LNPEP: variants seen among roughly 807,000 people sequenced by gnomAD.
The protein encoded by LNPEP is leucyl-cystinyl aminopeptidase.
LNPEP carries 64 observed loss-of-function variants against 120.6 expected under a neutral mutation model. That is an observed-to-expected ratio of 0.53 (90% CI 0.43 to 0.65). The LOEUF is 0.65. LNPEP is among the 30% of genes least tolerant of loss of function. The pLI is 0.00. For synonymous variants in LNPEP, 435 were observed against 425.4 expected (o/e 1.02, Z -0.28); for missense variants, 1,057 against 1,200.0 (o/e 0.88, Z 1.76).
At chr5:96,938,683 C>T (rs186849193) in intron 1 of LNPEP, among the ~76,000 whole-genome samples, 255 of 152,244 alleles carry the variant, frequency 1.7e-3, no homozygotes, top group Non-Finnish European at 2.1e-3. Context: ...CCTATGTTAA[C>T]CTGTTCAGGT....
chr5:96,942,236 G>A (rs970269478), intron 1 of LNPEP: 5 of 152,182 alleles, frequency 3.3e-5, no homozygotes, highest in East Asian at 3.8e-4. Flanking sequence ...AAACAACGTG[G>A]TGTGGAGCTG....
chr5:97,022,240 G>GT (rs934380365), intron 13 of LNPEP, 60 bp from the exon 14 acceptor site: 252 of 1,113,044 alleles, frequency 2.3e-4, no homozygotes, highest in Middle Eastern at 4.2e-4. Flanking sequence ...TAATTGTCCT[G>GT]TTTTTTTTCT....
At chr5:97,005,270 T>A (rs1231459364) in intron 9 of LNPEP, among the ~76,000 whole-genome samples, 1 of 152,164 alleles carries the variant, frequency 6.6e-6, no homozygotes, top group Non-Finnish European at 1.5e-5. Context: ...CAATTCAAAT[T>A]CATATATAAT....
intron 1 of LNPEP, among the ~76,000 whole-genome samples, chr5:96,947,215 G>A (rs958415725): frequency 1.3e-5 from 2 of 152,066 alleles, no homozygotes; most frequent in Non-Finnish European, 2.9e-5. Flanking sequence ...CCTAAGCATT[G>A]TTAAAGACTG....
chr5:96,943,783 T>A (rs1354532062), intron 1 of LNPEP, among the ~76,000 whole-genome samples: 4 of 152,192 alleles, frequency 2.6e-5, no homozygotes, highest in Non-Finnish European at 4.4e-5. Context: ...CAAGTTCAAT[T>A]GTAGGAGACT....
At chr5:96,982,908 T>G (rs1461037015) in intron 2 of LNPEP, among the ~76,000 whole-genome samples, 1 of 151,906 alleles carries the variant, frequency 6.6e-6, no homozygotes, top group Non-Finnish European at 1.5e-5. Flanking sequence ...TACAAGTAGT[T>G]TTTATTATAA....
intron 2 of LNPEP, among the ~76,000 whole-genome samples, chr5:96,982,725 C>T (rs1790154494): frequency 6.6e-6 from 1 of 152,038 alleles, no homozygotes; most frequent in East Asian, 1.9e-4. Flanking sequence ...TGATTGCTAC[C>T]TTTCTTGCAG....
intron 1 of LNPEP, among the ~76,000 whole-genome samples, chr5:96,973,462 G>C (rs183042804): frequency 6.6e-6 from 1 of 152,048 alleles, no homozygotes; most frequent in East Asian, 1.9e-4. Flanking sequence ...CCCATACTTG[G>C]AACTTATAGT....
chr5:97,012,879 T>C (rs1320741972), intron 11 of LNPEP, among the ~76,000 whole-genome samples: 1 of 152,180 alleles, frequency 6.6e-6, no homozygotes, highest in East Asian at 1.9e-4. Flanking sequence ...TATTTCTTAT[T>C]TGTCCCTTAT....
intron 1 of LNPEP, among the ~76,000 whole-genome samples, chr5:96,951,106 T>C (rs1403050229): frequency 3.9e-5 from 6 of 152,188 alleles, no homozygotes; most frequent in Admixed American, 3.9e-4. Context: ...TGTGCATATG[T>C]GGAGAGAGCG....
rs563274580 is a variant in LNPEP at position 97,006,175 on chromosome 5, A to C, written c.1888A>C (p.Ile630Leu). 8.7e-6 allele frequency: 14 copies of C among 1,606,180 alleles called. No individual in the cohort carries two copies. In the East Asian group the frequency reaches 2.5e-4, roughly 28 times the overall value. Reference protein sequence around the residue: ...TVQKKGKELFIQQERFFLNMK... With the variant: ...TVQKKGKELFLQQERFFLNMK... ...TCAAAAGAAAGGAAAGGAACTTTTT[A>C]TACAACAAGAGAGATTCTTTTTAAA... Residue 630 changes from isoleucine to leucine, a missense_variant, in exon 10 of 18, where the codon ATA becomes CTA. Physicochemically the swap from Ile to Leu is conservative, Grantham distance 5. Transcript: ENST00000231368.
intron 13 of LNPEP, 89 bp from the exon 14 acceptor site, chr5:97,022,211 G>C (rs953902458): frequency 7.4e-6 from 6 of 813,942 alleles, no homozygotes; most frequent in South Asian, 1.7e-5. Context: ...TTACAGGCAC[G>C]AGACACTGCA....
At chr5:96,936,214 G>C in intron 1 of LNPEP, 40 bp downstream of exon 1, 1 of 1,409,770 alleles carries the variant, frequency 7.1e-7, no homozygotes, top group Non-Finnish European at 9.2e-7. Flanking sequence ...GGGCTCTCCG[G>C]AGCCCTGAGG....
Position 96,979,544 on chromosome 5 carries a change from TA to T in LNPEP, c.434del (p.Asn145ThrfsTer6), listed in dbSNP as rs748712732. The T allele has an allele frequency of 1.2e-6, 2 of 1,613,564 alleles. No individual in the cohort carries two copies. The highest frequency in any genetic ancestry group is 1.3e-5 in the African/African-American group (1 of 74,818). On this transcript the variant is annotated frameshift_variant, in exon 2 of 18. Coordinates refer to ENST00000231368, the MANE Select transcript of LNPEP (RefSeq NM_005575.3). LOFTEE classifies it high-confidence loss of function. ...GTACCTTTACCAAAGAAGGCTGCCA[TA>T]AAAAAAACCAGTCAATTGGACTAAT... Reference protein sequence around the residue: ...RCTFTKEGCHKKNQSIGLIQP... With the variant: ...RCTFTKEGCHXKNQSIGLIQP...
At chr5:96,951,792 G>A (rs1789330288) in intron 1 of LNPEP, among the ~76,000 whole-genome samples, 1 of 120,906 alleles carries the variant, frequency 8.3e-6, no homozygotes, top group African/African-American at 3.0e-5. Context: ...AATTCAGGAT[G>A]ATCCAAAAAA....
intron 6 of LNPEP, among the ~76,000 whole-genome samples, chr5:96,994,558 A>G (rs1281240076): frequency 6.6e-6 from 1 of 151,314 alleles, no homozygotes; most frequent in East Asian, 1.9e-4. Flanking sequence ...TACTGTTTGT[A>G]TGACATGGAG....
intron 13 of LNPEP, among the ~76,000 whole-genome samples, chr5:97,016,245 G>A (rs1337198978): frequency 2.0e-5 from 3 of 152,124 alleles, no homozygotes; most frequent in Non-Finnish European, 2.9e-5. Flanking sequence ...TCAGCTAGCA[G>A]CCTTAATAAA....
chr5:96,966,642 T>G (rs1356842958), intron 1 of LNPEP, among the ~76,000 whole-genome samples: 3 of 151,738 alleles, frequency 2.0e-5, no homozygotes, highest in Non-Finnish European at 4.4e-5. Context: ...AAAGGTAAAA[T>G]GTGGATAATA....
At chr5:96,966,905 C>T (rs918374214) in intron 1 of LNPEP, among the ~76,000 whole-genome samples, 3 of 152,022 alleles carry the variant, frequency 2.0e-5, no homozygotes, top group African/African-American at 7.2e-5. Context: ...TTGTCATTCA[C>T]AGCACACATT....
Sources: allele counts gnomAD v4.1 joint callset (sites outside exome capture counted in the v4.1 genomes callset), GRCh38; gene constraint gnomAD v4.1.1; transcripts MANE v1.5; gene names NCBI Gene and HGNC (gene_info 2026-07-23, HGNC 2026-07-21).